VRK2: variants seen among roughly 807,000 people sequenced by gnomAD.
The protein encoded by VRK2 is serine/threonine-protein kinase VRK2.
In VRK2, 60 loss-of-function variants were observed where a neutral mutation model predicts 57.6. That is an observed-to-expected ratio of 1.04 (90% CI 0.85 to 1.29). The LOEUF (loss-of-function observed/expected upper bound fraction) is 1.29. VRK2 is among the 50% of genes most tolerant of loss of function. The pLI is 0.00. For missense variants in VRK2, 705 were observed against 588.1 expected, an observed-to-expected ratio of 1.20 and a Z score of -2.06; for synonymous variants, 231 against 199.2, an observed-to-expected ratio of 1.16 and a Z score of -1.35.
At chr2:58,126,275 T>A (rs964800235) in intron 8 of VRK2, among the ~76,000 whole-genome samples, 1 of 152,184 alleles carries the variant, frequency 6.6e-6, no homozygotes, top group Admixed American at 6.5e-5. Flanking sequence ...AACTGACTTA[T>A]GAGTTAGCCA....
intron 1 of VRK2, among the ~76,000 whole-genome samples, chr2:58,016,334 T>C (rs1408383536): frequency 2.6e-5 from 4 of 151,310 alleles, no homozygotes; most frequent in African/African-American, 7.4e-5. Flanking sequence ...GATTCTCCAT[T>C]GTATGTTTTA....
chr2:57,973,477 C>T (rs1572923331), intron 1 of VRK2, among the ~76,000 whole-genome samples: 2 of 151,894 alleles, frequency 1.3e-5, no homozygotes, highest in Admixed American at 6.6e-5. Context: ...ATTCAATACC[C>T]ATGCCTTTGG....
At chr2:58,067,412 G>A (rs540113977) in intron 2 of VRK2, among the ~76,000 whole-genome samples, 2 of 152,060 alleles carry the variant, frequency 1.3e-5, no homozygotes, top group Non-Finnish European at 2.9e-5. Flanking sequence ...TAATACAGTT[G>A]TCAAATTTAT....
intron 2 of VRK2, among the ~76,000 whole-genome samples, chr2:58,028,899 A>AT (rs1674021434): frequency 2.7e-4 from 22 of 80,840 alleles, no homozygotes; most frequent in African/African-American, 9.0e-4. Flanking sequence ...TAAATAAATA[A>AT]ATAAATATAT....
intron 7 of VRK2, among the ~76,000 whole-genome samples, chr2:58,117,626 G>A (rs1226654283): frequency 1.3e-5 from 2 of 152,250 alleles, no homozygotes; most frequent in Admixed American, 6.5e-5. Context: ...ATGCCTGGAC[G>A]TCAGGCACCT....
intron 8 of VRK2, among the ~76,000 whole-genome samples, chr2:58,126,275 T>C (rs964800235): frequency 1.3e-5 from 2 of 152,184 alleles, no homozygotes; most frequent in African/African-American, 4.8e-5. Context: ...AACTGACTTA[T>C]GAGTTAGCCA....
At chr2:58,078,734 G>A (rs1026190397) in intron 2 of VRK2, among the ~76,000 whole-genome samples, 1 of 152,086 alleles carries the variant, frequency 6.6e-6, no homozygotes, top group Non-Finnish European at 1.5e-5. Flanking sequence ...TGATATTGTG[G>A]TTTTGATTTG....
intron 1 of VRK2, among the ~76,000 whole-genome samples, chr2:57,914,762 TAAA>T (rs1670094814): frequency 6.6e-6 from 1 of 152,122 alleles, no homozygotes; most frequent in Admixed American, 6.5e-5. Context: ...TATTGAGACA[TAAA>T]AAGAAACATT....
chr2:57,984,216 T>C (rs1300753854), intron 1 of VRK2, among the ~76,000 whole-genome samples: 3 of 152,094 alleles, frequency 2.0e-5, no homozygotes, highest in Non-Finnish European at 4.4e-5. Flanking sequence ...ACATCATTGT[T>C]CCATATGAAT....
intron 3 of VRK2, 26 bp from the exon 4 acceptor site, chr2:58,084,855 A>C (rs1160809546): frequency 1.4e-6 from 2 of 1,411,136 alleles, no homozygotes; most frequent in African/African-American, 1.5e-5. Context: ...TTTTTCTAGT[A>C]AAATTAATTA....
intron 9 of VRK2, among the ~76,000 whole-genome samples, chr2:58,134,313 A>G (rs1034201576): frequency 3.9e-5 from 6 of 152,178 alleles, no homozygotes; most frequent in African/African-American, 1.4e-4. Context: ...TAAATGCTAC[A>G]TACATCAAGA....
intron 8 of VRK2, among the ~76,000 whole-genome samples, chr2:58,124,648 AG>A (rs1678035194): frequency 6.6e-6 from 1 of 152,202 alleles, no homozygotes; most frequent in African/African-American, 2.4e-5. Context: ...TTCTATTAAA[AG>A]GACCATTGAC....
At chr2:58,076,883 C>CA (rs1185019579) in intron 2 of VRK2, among the ~76,000 whole-genome samples, 1 of 151,354 alleles carries the variant, frequency 6.6e-6, no homozygotes, top group Non-Finnish European at 1.5e-5. Context: ...AAAGAGCTTG[C>CA]AAAAAAAGAA....
chr2:58,152,248 A>G (rs1683183295), intron 12 of VRK2, among the ~76,000 whole-genome samples: 1 of 151,880 alleles, frequency 6.6e-6, no homozygotes, highest in Non-Finnish European at 1.5e-5. Flanking sequence ...AATTATAACT[A>G]GCCATATTTC....
chr2:57,956,279 G>T (rs953947695), intron 1 of VRK2, among the ~76,000 whole-genome samples: 2 of 152,160 alleles, frequency 1.3e-5, no homozygotes, highest in African/African-American at 4.8e-5. Flanking sequence ...TAGTTACTTG[G>T]GAGGCTGAGG....
intron 12 of VRK2, among the ~76,000 whole-genome samples, chr2:58,155,801 A>G (rs1273059408): frequency 6.8e-6 from 1 of 146,574 alleles, no homozygotes; most frequent in Non-Finnish European, 1.5e-5. Flanking sequence ...CCTGGAGAGA[A>G]GTAAGGTACA....
At chr2:58,023,541 A>G (rs1414045817) in intron 1 of VRK2, among the ~76,000 whole-genome samples, 2 of 152,162 alleles carry the variant, frequency 1.3e-5, no homozygotes, top group Non-Finnish European at 2.9e-5. Context: ...TTATCTTTGA[A>G]GGAAAAAAAT....
chr2:58,002,494 C>A (rs995031033), intron 1 of VRK2, among the ~76,000 whole-genome samples: 3 of 151,836 alleles, frequency 2.0e-5, no homozygotes, highest in African/African-American at 7.3e-5. Context: ...AAAGTAAAAT[C>A]AGTATGTGTG....
chr2:58,023,152 A>G (rs1673816009), intron 1 of VRK2, among the ~76,000 whole-genome samples: 1 of 152,030 alleles, frequency 6.6e-6, no homozygotes, highest in East Asian at 1.9e-4. Flanking sequence ...TTCCTCACAT[A>G]CTCTGGCAAC....
Sources: gnomAD v4.1 joint callset for allele counts (sites outside exome capture counted in the v4.1 genomes callset) on GRCh38, gnomAD v4.1.1 for gene constraint, MANE v1.5 for transcripts, NCBI Gene and HGNC (gene_info 2026-07-23, HGNC 2026-07-21) for gene names.